The following DIAPH2 variants were observed in gnomAD, a reference collection of about 807,000 sequenced individuals.
The protein encoded by DIAPH2 is diaphanous related formin 2.
In DIAPH2, 35 loss-of-function variants were observed where a neutral mutation model predicts 92.7. That is an observed-to-expected ratio of 0.38 (90% CI 0.29 to 0.50). The LOEUF (loss-of-function observed/expected upper bound fraction) is 0.50. Among genes scored for constraint, DIAPH2 ranks in the 20% least tolerant of loss-of-function variants. The pLI is 0.94. For synonymous variants in DIAPH2, 301 were observed against 280.4 expected (o/e 1.07, Z -0.73); for missense variants, 701 against 819.5 (o/e 0.86, Z 1.77).
At chrX:97,060,225 G>A (rs1320049036) in intron 17 of DIAPH2, among the ~76,000 whole-genome samples, 2 of 112,309 alleles carry the variant, frequency 1.8e-5, no homozygotes, top group African/African-American at 3.2e-5. Context: ...AAGTGGCTGG[G>A]GTGAAGTAAA....
intron 24 of DIAPH2, among the ~76,000 whole-genome samples, chrX:97,369,324 T>C (rs1721043044): frequency 9.0e-6 from 1 of 111,662 alleles, no homozygotes; most frequent in Admixed American, 9.6e-5. Context: ...TAACATTATA[T>C]ATAAAATAGG....
intron 26 of DIAPH2, among the ~76,000 whole-genome samples, chrX:97,579,315 T>G (rs1306186465): frequency 9.1e-6 from 1 of 110,481 alleles, no homozygotes; most frequent in Non-Finnish European, 1.9e-5. Flanking sequence ...GTCTAACGTT[T>G]AAGTCTTTAA....
rs1386129164 is a variant in DIAPH2, at chrX:96,962,488, C to CAT, written c.1936-2604_1936-2603insTA. Among the ~76,000 whole-genome samples the CAT allele has an allele frequency of 4.4e-4, 12 of 27,023 alleles. 1 individual carries two copies. The highest frequency in any genetic ancestry group is 1.7e-3 in the African/African-American group (12 of 7,160). The allele number at this position is 27,023 out of a possible 115,157, so 23.5% of individuals were successfully genotyped here. On this transcript the variant is annotated intron_variant, in intron 16 of 26. Coordinates refer to ENST00000324765, the MANE Select transcript of DIAPH2 (RefSeq NM_006729.5). ...ATATACATATATATATACACACACA[C>CAT]ACACACACATATATATATATATATA...
At chrX:97,569,211 A>T (rs186760969) in intron 26 of DIAPH2, among the ~76,000 whole-genome samples, 1 of 112,186 alleles carries the variant, frequency 8.9e-6, no homozygotes, top group Non-Finnish European at 1.9e-5. Flanking sequence ...ATGACAGTGA[A>T]CATTAACATG....
chrX:97,441,673 G>C (rs576500646), intron 26 of DIAPH2, among the ~76,000 whole-genome samples: 2 of 111,237 alleles, frequency 1.8e-5, no homozygotes, highest in Non-Finnish European at 3.8e-5. Context: ...AAAATTAGCC[G>C]GGCGTGGTGG....
intron 23 of DIAPH2, among the ~76,000 whole-genome samples, chrX:97,268,126 T>A (rs946680498): frequency 2.7e-5 from 3 of 112,158 alleles, no homozygotes; most frequent in Non-Finnish European, 5.6e-5. Context: ...CAAGATCTGA[T>A]TTCTGGCCAA....
At chrX:97,387,518 C>T (rs765348190) in intron 25 of DIAPH2, among the ~76,000 whole-genome samples, 2 of 112,194 alleles carry the variant, frequency 1.8e-5, no homozygotes, top group African/African-American at 6.5e-5. Flanking sequence ...CTGCAGAATT[C>T]TCTCTTGCTT....
At chrX:97,105,470 C>T (rs1303056632) in intron 20 of DIAPH2, among the ~76,000 whole-genome samples, 1 of 111,683 alleles carries the variant, frequency 9.0e-6, no homozygotes, top group Non-Finnish European at 1.9e-5. Flanking sequence ...CTCCAACCTA[C>T]CTCCCACAGA....
chrX:96,745,554 A>G (rs1222811942), intron 3 of DIAPH2, among the ~76,000 whole-genome samples: 12 of 112,387 alleles, frequency 1.1e-4, no homozygotes, highest in African/African-American at 3.9e-4. Context: ...CTCATTGGAT[A>G]GGCTTGTAGA....
intron 19 of DIAPH2, among the ~76,000 whole-genome samples, chrX:97,091,664 A>G (rs1242190997): frequency 2.7e-5 from 3 of 111,450 alleles, no homozygotes; most frequent in East Asian, 2.8e-4. Flanking sequence ...CACTGGGTAT[A>G]TAATTCTAGC....
chrX:96,930,703 T>G (rs753247937), intron 9 of DIAPH2, 30 bp from the exon 10 acceptor site: 2 of 1,143,011 alleles, frequency 1.7e-6, no homozygotes, highest in Non-Finnish European at 2.4e-6. Context: ...AATGTGTTTT[T>G]TTAAAACAAA....
At chrX:97,006,872 T>C (rs1477667390) in intron 17 of DIAPH2, among the ~76,000 whole-genome samples, 1 of 111,290 alleles carries the variant, frequency 9.0e-6, no homozygotes, top group African/African-American at 3.3e-5. Context: ...TGTCTTCCTT[T>C]TAGAGAAGAT....
intron 26 of DIAPH2, among the ~76,000 whole-genome samples, chrX:97,466,989 G>A (rs2070518268): frequency 8.9e-6 from 1 of 111,814 alleles, no homozygotes; most frequent in Non-Finnish European, 1.9e-5. Context: ...CTTTTTCTGT[G>A]GATTACAATA....
intron 26 of DIAPH2, among the ~76,000 whole-genome samples, chrX:97,577,910 T>C (rs2071408751): frequency 9.0e-6 from 1 of 111,306 alleles, no homozygotes; most frequent in African/African-American, 3.3e-5. Context: ...TATCTTCATA[T>C]GTCTTCTCTT....
intron 4 of DIAPH2, among the ~76,000 whole-genome samples, chrX:96,859,607 ATTCTTATT>A (rs1182558588): frequency 1.1e-5 from 1 of 89,175 alleles, no homozygotes; most frequent in Non-Finnish European, 2.2e-5. Flanking sequence ...TCAATAATAG[ATTCTTATT>A]TATTTATTTA....
At chrX:97,157,996 A>G (rs1244887371) in intron 22 of DIAPH2, among the ~76,000 whole-genome samples, 1 of 112,024 alleles carries the variant, frequency 8.9e-6, no homozygotes, top group Non-Finnish European at 1.9e-5. Flanking sequence ...AGGTAGAATT[A>G]CCTCTCTCTA....
chrX:96,748,546 A>T (rs1427997052), intron 3 of DIAPH2, among the ~76,000 whole-genome samples: 1 of 111,908 alleles, frequency 8.9e-6, no homozygotes, highest in African/African-American at 3.2e-5. Flanking sequence ...TAGTTCATCA[A>T]AGTCCCATGC....
chrX:97,435,785 T>G (rs1433035211), intron 26 of DIAPH2, among the ~76,000 whole-genome samples: 2 of 108,482 alleles, frequency 1.8e-5, no homozygotes, highest in East Asian at 5.8e-4. Context: ...GGAGTGAAAA[T>G]GACTCTTTTT....
At chrX:96,706,192 T>C (rs938938799) in intron 1 of DIAPH2, among the ~76,000 whole-genome samples, 1 of 112,295 alleles carries the variant, frequency 8.9e-6, no homozygotes, top group Non-Finnish European at 1.9e-5. Context: ...TCTGTCTTAT[T>C]TGAATAGGCC....
Sources: gnomAD v4.1 joint callset for allele counts (sites outside exome capture counted in the v4.1 genomes callset) on GRCh38, gnomAD v4.1.1 for gene constraint, MANE v1.5 for transcripts, NCBI Gene and HGNC (gene_info 2026-07-23, HGNC 2026-07-21) for gene names.